The following LIN52 variants were observed in gnomAD, a reference collection of about 807,000 sequenced individuals.
The protein encoded by LIN52 is protein lin-52 homolog.
A neutral mutation model predicts 18.5 loss-of-function variants in LIN52; 4 were observed. The ratio of observed to expected loss-of-function variants is 0.22; its 90% CI spans 0.11 to 0.49. The LOEUF (loss-of-function observed/expected upper bound fraction) is 0.49. Ranked by LOEUF, LIN52 falls within the 20% of genes least tolerant of loss-of-function variation. The pLI, the probability that LIN52 is intolerant of heterozygous loss-of-function variation, is 0.97. For synonymous variants in LIN52, 34 were observed against 45.5 expected (o/e 0.75, Z 1.02); for missense variants, 102 against 139.5 (o/e 0.73, Z 1.35).
intron 5 of LIN52, among the ~76,000 whole-genome samples, chr14:74,191,573 G>A (rs1419856840): frequency 6.6e-6 from 1 of 151,546 alleles, no homozygotes; most frequent in Admixed American, 6.6e-5. Flanking sequence ...CTTTTATGAG[G>A]CCAATTAAAT....
At chr14:74,112,541 T>C (rs753940025) in intron 5 of LIN52, among the ~76,000 whole-genome samples, 5 of 152,248 alleles carry the variant, frequency 3.3e-5, no homozygotes, top group Non-Finnish European at 5.9e-5. Context: ...ACTTATCTTG[T>C]ATCCTTGGAC....
intron 5 of LIN52, among the ~76,000 whole-genome samples, chr14:74,126,517 T>G (rs2061031068): frequency 6.6e-6 from 1 of 152,152 alleles, no homozygotes; most frequent in African/African-American, 2.4e-5. Flanking sequence ...ATAAACAAAA[T>G]GTGGTATATC....
intron 1 of LIN52, among the ~76,000 whole-genome samples, chr14:74,089,997 G>A (rs1057407016): frequency 4.0e-5 from 6 of 151,664 alleles, no homozygotes; most frequent in Non-Finnish European, 8.8e-5. Context: ...AAGCCCAAGT[G>A]GGCATGTATA....
chr14:74,090,046 T>G (rs1595142920), intron 1 of LIN52, among the ~76,000 whole-genome samples: 2 of 132,054 alleles, frequency 1.5e-5, no homozygotes, highest in Admixed American at 8.3e-5. Context: ...TGAGATGGAG[T>G]CTTGCTTTGT....
intron 5 of LIN52, among the ~76,000 whole-genome samples, chr14:74,106,666 C>T (rs981771693): frequency 6.6e-6 from 1 of 152,210 alleles, no homozygotes; most frequent in Non-Finnish European, 1.5e-5. Flanking sequence ...TCTTGGCTCA[C>T]TGCAACCTCC....
intron 5 of LIN52, among the ~76,000 whole-genome samples, chr14:74,109,884 G>A (rs2060916681): frequency 6.6e-6 from 1 of 152,130 alleles, no homozygotes; most frequent in African/African-American, 2.4e-5. Context: ...ATACAGAATT[G>A]TCATTTGCAA....
At chr14:74,165,513 C>CTTTTTCTTTTTTTT (rs1555384154) in intron 5 of LIN52, among the ~76,000 whole-genome samples, 1 of 110,262 alleles carries the variant, frequency 9.1e-6, no homozygotes, top group South Asian at 3.0e-4. Flanking sequence ...GTTTTCTTTT[C>CTTTTTCTTTTTTTT]TTTTTTTTTT....
intron 5 of LIN52, chr14:74,192,699 C>T: frequency 3.8e-6 from 1 of 264,688 alleles, no homozygotes; most frequent in Non-Finnish European, 7.3e-6. Flanking sequence ...TTGTGAACAA[C>T]AGTATATCAA....
intron 1 of LIN52, among the ~76,000 whole-genome samples, chr14:74,087,484 A>C (rs1264544017): frequency 6.6e-6 from 1 of 150,532 alleles, no homozygotes. Context: ...CTTTATTTGC[A>C]CTCTTGATTT....
chr14:74,193,678 G>A (rs375400648), intron 5 of LIN52, among the ~76,000 whole-genome samples: 14 of 152,172 alleles, frequency 9.2e-5, no homozygotes, highest in Non-Finnish European at 2.1e-4. Context: ...TTGAATGCCT[G>A]TGTGACTTTG....
chr14:74,146,072 T>C (rs1303171179), intron 5 of LIN52, among the ~76,000 whole-genome samples: 1 of 152,226 alleles, frequency 6.6e-6, no homozygotes, highest in Non-Finnish European at 1.5e-5. Flanking sequence ...ACATTTACCA[T>C]ACTTGGTACA....
chr14:74,149,613 C>CT (rs1319533190), intron 5 of LIN52, among the ~76,000 whole-genome samples: 5 of 152,096 alleles, frequency 3.3e-5, no homozygotes, highest in Non-Finnish European at 7.4e-5. Flanking sequence ...TTTTCATAAA[C>CT]TTTTTTCCTT....
At chr14:74,131,604 C>T (rs993504124) in intron 5 of LIN52, among the ~76,000 whole-genome samples, 3 of 152,180 alleles carry the variant, frequency 2.0e-5, no homozygotes, top group Non-Finnish European at 4.4e-5. Flanking sequence ...GCGTGAGCAT[C>T]GCACCTGGCC....
chr14:74,163,816 G>A (rs1043391000), intron 5 of LIN52, among the ~76,000 whole-genome samples: 2 of 152,138 alleles, frequency 1.3e-5, no homozygotes, highest in Admixed American at 1.3e-4. Flanking sequence ...AGGTGAAGGA[G>A]GAGATGGCTT....
At chr14:74,112,006 G>A (rs531982263) in intron 5 of LIN52, among the ~76,000 whole-genome samples, 3 of 151,766 alleles carry the variant, frequency 2.0e-5, no homozygotes, top group East Asian at 2.0e-4. Context: ...TCAGCCTCCC[G>A]AGTAACTGGG....
intron 5 of LIN52, among the ~76,000 whole-genome samples, chr14:74,190,904 CG>C (rs1030008789): frequency 6.6e-5 from 10 of 152,216 alleles, no homozygotes; most frequent in African/African-American, 2.2e-4. Flanking sequence ...CCAAAAGACC[CG>C]TCCTCATCCA....
intron 5 of LIN52, among the ~76,000 whole-genome samples, chr14:74,167,742 C>T (rs972367113): frequency 2.0e-5 from 3 of 152,132 alleles, no homozygotes; most frequent in African/African-American, 7.2e-5. Flanking sequence ...CACTATGTTG[C>T]CTAGGCTGGA....
intron 5 of LIN52, among the ~76,000 whole-genome samples, chr14:74,133,689 A>G (rs558938476): frequency 6.6e-6 from 1 of 152,346 alleles, no homozygotes; most frequent in East Asian, 1.9e-4. Context: ...ATCAGGGAAC[A>G]AGAAACCTCC....
intron 5 of LIN52, among the ~76,000 whole-genome samples, chr14:74,183,096 T>G (rs1161807890): frequency 3.3e-5 from 3 of 89,734 alleles, no homozygotes; most frequent in South Asian, 2.7e-4. Flanking sequence ...TCTCTCTCTC[T>G]CTCTCTCTTT....
Sources: allele counts gnomAD v4.1 joint callset (sites outside exome capture counted in the v4.1 genomes callset), GRCh38; gene constraint gnomAD v4.1.1; transcripts MANE v1.5; gene names NCBI Gene and HGNC (gene_info 2026-07-23, HGNC 2026-07-21).